Variants in SUGP1 observed in about 807,000 individuals in gnomAD.
SUGP1 encodes the protein SURP and G-patch domain-containing protein 1.
A neutral mutation model predicts 76.5 loss-of-function variants in SUGP1; 34 were observed. The observed-to-expected ratio is 0.44, with a 90% CI of 0.34 to 0.59. The LOEUF (loss-of-function observed/expected upper bound fraction) is 0.59. Ranked by LOEUF, SUGP1 falls within the 20% of genes least tolerant of loss-of-function variation. The probability of loss-of-function intolerance (pLI) is 0.01; values close to 1 mark genes in which losing one functional copy is unlikely to be tolerated. For synonymous variants in SUGP1, 326 were observed against 326.2 expected (o/e 1.00, Z 0.01); for missense variants, 752 against 851.7 (o/e 0.88, Z 1.46).
At chr19:19,303,289 T>C (rs539880318) in intron 6 of SUGP1, 59 bp downstream of exon 6, 41 of 1,458,770 alleles carry the variant, frequency 2.8e-5, no homozygotes, top group Admixed American at 1.3e-4. Flanking sequence ...CGATTCCGCA[T>C]TGGGGCACGG....
chr19:19,297,400 A>ATTCTTGGCAGGAGCAGTTCTGGCC, intron 7 of SUGP1, 56 bp from the exon 8 acceptor site: 4 of 1,349,526 alleles, frequency 3.0e-6, no homozygotes, highest in Non-Finnish European at 4.0e-6. Flanking sequence ...CCTGTCCCTG[A>ATTCTTGGCAGGAGCAGTTCTGGCC]TTCTGGGCAG....
intron 9 of SUGP1, among the ~76,000 whole-genome samples, chr19:19,279,754 C>A (rs558968489): frequency 6.6e-6 from 1 of 152,324 alleles, no homozygotes; most frequent in South Asian, 2.1e-4. Context: ...CCGACACTGC[C>A]CAACTACAAC....
intron 7 of SUGP1, 117 bp from the exon 8 acceptor site, chr19:19,297,461 A>C: frequency 1.7e-6 from 1 of 589,598 alleles, no homozygotes; most frequent in Non-Finnish European, 2.7e-6. Flanking sequence ...CTATATGGTC[A>C]TGTCATAGTC....
At chr19:19,282,457 AG>A (rs1481189943) in intron 8 of SUGP1, among the ~76,000 whole-genome samples, 1 of 150,916 alleles carries the variant, frequency 6.6e-6, no homozygotes, top group Non-Finnish European at 1.5e-5. Context: ...AAAAAAAAAA[AG>A]AGACTCAATT....
At chr19:19,316,312 G>T in intron 2 of SUGP1, 110 bp downstream of exon 2, 1 of 1,356,798 alleles carries the variant, frequency 7.4e-7, no homozygotes. Flanking sequence ...GGATCATCAG[G>T]CTATGGCTGG....
Position 19,297,010 on chromosome 19 carries a change from C to G in SUGP1, c.1222G>C (p.Ala408Pro), listed in dbSNP as rs1013287126. The G allele has an allele frequency of 1.1e-5, 17 of 1,584,042 alleles. No homozygotes were observed. The highest frequency in any genetic ancestry group is 1.5e-5 in the Non-Finnish European group (17 of 1,158,976). Residue 408 changes from alanine (A) to proline (P), a missense_variant, in exon 8 of 14, where the codon GCC (alanine) becomes CCC (proline). Transcript: ENST00000247001. ...CCACCTGACAGAGGCGAGGGAGAGG[C>G]ATCCACGTCCCTCTGCACCAGTTCA... ...PAELVQRDVD[A>P]SPSPLSVQDL... is the part of the protein sequence containing the mutation.
rs1373279840 is a variant in SUGP1, at chr19:19,303,796, C to T, written c.590G>A (p.Arg197His). ...CTCGGGGCCTCCTTCTGCCACAAAG[C>T]GGGCCAATTTCTCTATCACTTTCCG... Reference protein sequence around the residue: ...ETRKVIEKLARFVAEGGPELE... With the variant: ...ETRKVIEKLAHFVAEGGPELE... The change falls in exon 5 of 14, where the codon CGC becomes CAC. Residue 197 changes from arginine (R) to histidine (H), a missense_variant. Arg to His is a conservative substitution (Grantham distance 29, BLOSUM62 0). Transcript: ENST00000247001. 6 of 1,614,078 alleles carry T rather than the reference C, an allele frequency of 3.7e-6. No individual in the cohort carries two copies. The highest frequency in any genetic ancestry group is 5.1e-6 in the Non-Finnish European group (6 of 1,180,062).
At position 19,303,771 on chromosome 19, in the gene SUGP1, C is replaced by G; in HGVS notation, c.615G>C (p.Glu205Asp). 1 of 1,614,198 alleles carries G rather than the reference C, an allele frequency of 6.2e-7. No homozygotes were observed. The highest frequency in any genetic ancestry group is 8.5e-7 in the Non-Finnish European group (1 of 1,180,040). The change falls in exon 5 of 14, where the codon GAG (glutamate) becomes GAC (aspartate). Residue 205 changes from glutamate to aspartate, a missense_variant. Coordinates refer to ENST00000247001, the MANE Select transcript of SUGP1 (RefSeq NM_172231.4). The part of the protein sequence containing the change: ...LARFVAEGGP[E>D]LEKVAMEDYK... ...AGTCCTCCATAGCTACTTTTTCTAA[C>G]TCGGGGCCTCCTTCTGCCACAAAGC...
chr19:19,306,446 A>G (rs1286810276), intron 3 of SUGP1, among the ~76,000 whole-genome samples: 1 of 152,220 alleles, frequency 6.6e-6, no homozygotes, highest in Non-Finnish European at 1.5e-5. Context: ...GTCTGTGGCC[A>G]GGCTGACTGG....
intron 7 of SUGP1, among the ~76,000 whole-genome samples, chr19:19,297,768 T>C (rs897590200): frequency 5.9e-5 from 9 of 152,190 alleles, no homozygotes; most frequent in African/African-American, 1.9e-4. Context: ...GCTTCTCAAA[T>C]GCATCTTTGA....
At chr19:19,288,812 G>A (rs564439079) in intron 8 of SUGP1, among the ~76,000 whole-genome samples, 1 of 151,948 alleles carries the variant, frequency 6.6e-6, no homozygotes, top group African/African-American at 2.4e-5. Context: ...GTGAGACGGA[G>A]TCTTGCTCTG....
chr19:19,279,029 G>A (rs1471776081), intron 10 of SUGP1, among the ~76,000 whole-genome samples, 184 bp downstream of exon 10: 10 of 152,136 alleles, frequency 6.6e-5, no homozygotes, highest in African/African-American at 9.7e-5. Flanking sequence ...TTTTCACCAC[G>A]GAGAAAACTA....
At chr19:19,292,782 T>C (rs1441609991) in intron 8 of SUGP1, among the ~76,000 whole-genome samples, 2 of 152,228 alleles carry the variant, frequency 1.3e-5, no homozygotes, top group East Asian at 3.8e-4. Context: ...GAAAGGATTA[T>C]ACACCATGAC....
chr19:19,289,234 A>C (rs1427375759), intron 8 of SUGP1, among the ~76,000 whole-genome samples: 2 of 152,174 alleles, frequency 1.3e-5, no homozygotes, highest in Non-Finnish European at 2.9e-5. Context: ...GTACAGTAAA[A>C]ATACTGTACT....
At chr19:19,303,501 G>A in intron 5 of SUGP1, 53 bp from the exon 6 acceptor site, 1 of 1,505,532 alleles carries the variant, frequency 6.6e-7, no homozygotes, top group Non-Finnish European at 9.2e-7. Context: ...TCTGTGACAG[G>A]CATATCCCTG....
intron 8 of SUGP1, among the ~76,000 whole-genome samples, chr19:19,288,460 C>G (rs986649585): frequency 6.6e-6 from 1 of 152,110 alleles, no homozygotes; most frequent in African/African-American, 2.4e-5. Flanking sequence ...AATAAGGCTT[C>G]CGGTCAACAG....
intron 2 of SUGP1, among the ~76,000 whole-genome samples, chr19:19,313,577 T>C (rs1304407139): frequency 6.6e-6 from 1 of 152,088 alleles, no homozygotes; most frequent in Admixed American, 6.6e-5. Flanking sequence ...GGCATGGCAG[T>C]GGACATCTGT....
chr19:19,311,704 G>A (rs565667627), intron 2 of SUGP1, among the ~76,000 whole-genome samples: 70 of 145,764 alleles, frequency 4.8e-4, no homozygotes, highest in Middle Eastern at 3.6e-3. Flanking sequence ...TCCAGCCTGG[G>A]CGACAGAGCG....
Position 19,306,060 on chromosome 19 carries a change from C to T in SUGP1, c.327G>A (p.Ala109=), listed in dbSNP as rs375086554. 22 of 1,602,750 alleles carry T rather than the reference C, an allele frequency of 1.4e-5. No homozygotes were observed. The highest frequency in any genetic ancestry group is 1.1e-4 in the South Asian group (10 of 90,146). ...AQTSTDAPTS[A]PSAPPSTPTP... is the part of the protein sequence containing the mutation. ...TGGGTGTGCTGGGAGGGGCGCTGGG[C>T]GCACTGGTCGGGGCGTCTGGTATAG... Residue 109 remains alanine, a synonymous_variant, in exon 4 of 14, where the codon GCG becomes GCA. Transcript: ENST00000247001.
Sources: allele counts gnomAD v4.1 joint callset (sites outside exome capture counted in the v4.1 genomes callset), GRCh38; gene constraint gnomAD v4.1.1; transcripts MANE v1.5; gene names NCBI Gene and HGNC (gene_info 2026-07-23, HGNC 2026-07-21).